OR3A2: variants seen among roughly 807,000 people sequenced by gnomAD.
The protein encoded by OR3A2 is olfactory receptor family 3 subfamily A member 2.
For missense variants in OR3A2, 318 were observed against 392.8 expected (o/e 0.81, Z 1.61); for synonymous variants, 126 against 159.3 (o/e 0.79, Z 1.57).
intron 3 of OR3A2, among the ~76,000 whole-genome samples, chr17:3,293,234 G>A (rs2048891976): frequency 6.6e-6 from 1 of 151,858 alleles, no homozygotes; most frequent in Non-Finnish European, 1.5e-5. Flanking sequence ...ATGGGTATAT[G>A]GTGTAAAGTA....
chr17:3,326,655 A>C, intron 3 of OR3A2, among the ~76,000 whole-genome samples: 2 of 145,562 alleles, frequency 1.4e-5, no homozygotes, highest in South Asian at 2.2e-4. Flanking sequence ...TGCACCCACT[A>C]ACTCGTCATC....
chr17:3,367,466 G>C (rs1345365593), intron 2 of OR3A2, among the ~76,000 whole-genome samples: 1 of 148,900 alleles, frequency 6.7e-6, no homozygotes, highest in Non-Finnish European at 1.5e-5. Flanking sequence ...TATGATGTTT[G>C]ATTTTCCACT....
At chr17:3,319,539 A>T (rs1481966724) in intron 3 of OR3A2, among the ~76,000 whole-genome samples, 1 of 151,842 alleles carries the variant, frequency 6.6e-6, no homozygotes, top group Non-Finnish European at 1.5e-5. Flanking sequence ...CCACCACCCC[A>T]CAACAGTCCC....
intron 3 of OR3A2, among the ~76,000 whole-genome samples, chr17:3,302,663 C>A (rs1159626378): frequency 1.3e-5 from 2 of 152,164 alleles, no homozygotes; most frequent in Non-Finnish European, 2.9e-5. Flanking sequence ...TAATTAGAGA[C>A]CCAAAAGAAA....
chr17:3,377,973 A>G (rs1037858431), intron 2 of OR3A2, among the ~76,000 whole-genome samples: 1 of 152,226 alleles, frequency 6.6e-6, no homozygotes, highest in Non-Finnish European at 1.5e-5. Flanking sequence ...AAACATAACA[A>G]GGAGAAATGA....
At chr17:3,329,659 C>T (rs1402915300) in intron 3 of OR3A2, among the ~76,000 whole-genome samples, 1 of 140,604 alleles carries the variant, frequency 7.1e-6, no homozygotes, top group Admixed American at 7.2e-5. Flanking sequence ...TTTCAAAAAA[C>T]CAGCTCCTGG....
intron 3 of OR3A2, among the ~76,000 whole-genome samples, chr17:3,325,895 G>C (rs1280565482): frequency 2.6e-5 from 4 of 151,972 alleles, no homozygotes; most frequent in Admixed American, 2.0e-4. Context: ...CATCACCTAG[G>C]TATTAAGCCC....
intron 3 of OR3A2, among the ~76,000 whole-genome samples, chr17:3,307,041 G>A (rs9892570): frequency 0.013 from 1,970 of 152,314 alleles, 31 homozygotes; most frequent in African/African-American, 0.044. Flanking sequence ...GGGATGTTCA[G>A]GTAGAAATAT....
intron 2 of OR3A2, among the ~76,000 whole-genome samples, chr17:3,350,063 G>A (rs1448362928): frequency 6.7e-6 from 1 of 148,316 alleles, no homozygotes; most frequent in African/African-American, 2.5e-5. Flanking sequence ...AGCACTAAAT[G>A]CCCACAAGAG....
At chr17:3,344,248 C>G (rs1162708914) in intron 2 of OR3A2, among the ~76,000 whole-genome samples, 1 of 152,150 alleles carries the variant, frequency 6.6e-6, no homozygotes, top group East Asian at 1.9e-4. Flanking sequence ...AAAAAGCCTG[C>G]TTCCACCAAA....
Position 3,311,280 on chromosome 17 carries a change from T to C in OR3A2, c.-85+24753A>G. 1.9e-6 allele frequency: 1 copy of C among 532,546 alleles called. No homozygotes were observed. The highest frequency in any genetic ancestry group is 1.4e-5 in the South Asian group (1 of 71,064). 33.0% of individuals were successfully genotyped at this position (532,546 alleles called of 1,614,324 possible). On this transcript the variant is annotated intron_variant, in intron 3 of 4. Transcript: ENST00000573491. This position sits in a 1 kb window ranked among gnomAD's most constrained non-coding sequence, Gnocchi z 4.6. ...CCCACCAGTGCAGAGTTCCCTATGC[T>C]GCCTGCAGTTCACAGCTCTTCTTTC... is the stretch of plus-strand genomic sequence containing the variant.
At chr17:3,370,634 A>T (rs1381227710) in intron 2 of OR3A2, among the ~76,000 whole-genome samples, 3 of 148,374 alleles carry the variant, frequency 2.0e-5, no homozygotes, top group Non-Finnish European at 3.0e-5. Context: ...GTTCTTTCGG[A>T]TTTTTTTTTT....
At chr17:3,360,999 T>A (rs1354992884) in intron 2 of OR3A2, among the ~76,000 whole-genome samples, 1 of 151,508 alleles carries the variant, frequency 6.6e-6, no homozygotes, top group Non-Finnish European at 1.5e-5. Context: ...ATCTATAAAT[T>A]ACCTTGGGCA....
At chr17:3,276,366 A>G (rs1347681066), downstream of OR3A2, among the ~76,000 whole-genome samples, 1 of 152,196 alleles carries the variant, frequency 6.6e-6, no homozygotes, top group Non-Finnish European at 1.5e-5. Context: ...CGGGCATATC[A>G]TATATACAGG....
At chr17:3,314,950 T>C (rs948706466) in intron 3 of OR3A2, among the ~76,000 whole-genome samples, 6 of 152,222 alleles carry the variant, frequency 3.9e-5, no homozygotes, top group Admixed American at 3.3e-4. Flanking sequence ...TTATTTTCTC[T>C]TTCTGCATTA....
intron 3 of OR3A2, among the ~76,000 whole-genome samples, chr17:3,312,773 G>A (rs1567551242): frequency 6.6e-6 from 1 of 152,228 alleles, no homozygotes; most frequent in Admixed American, 6.5e-5. Flanking sequence ...ACAGGTGCCT[G>A]CCACCACGTC....
chr17:3,339,253 CTT>C (rs1443971107), intron 2 of OR3A2, among the ~76,000 whole-genome samples: 1 of 152,176 alleles, frequency 6.6e-6, no homozygotes, highest in African/African-American at 2.4e-5. Context: ...ATTGAATACA[CTT>C]TATTTCTTTC....
At chr17:3,327,857 A>T (rs927884933) in intron 3 of OR3A2, among the ~76,000 whole-genome samples, 7 of 136,752 alleles carry the variant, frequency 5.1e-5, no homozygotes, top group Non-Finnish European at 9.3e-5. Flanking sequence ...GTCAAAGATC[A>T]GATAGCTGTA....
intron 3 of OR3A2, among the ~76,000 whole-genome samples, chr17:3,307,121 T>C (rs1274820815): frequency 6.6e-6 from 1 of 152,214 alleles, no homozygotes; most frequent in Non-Finnish European, 1.5e-5. Flanking sequence ...ATCGCCTGCA[T>C]GTACTGCCTT....
Sources: allele counts gnomAD v4.1 joint callset (sites outside exome capture counted in the v4.1 genomes callset), GRCh38; gene constraint gnomAD v4.1.1; non-coding constraint Gnocchi (gnomAD v3.1); transcripts MANE v1.5; gene names NCBI Gene and HGNC (gene_info 2026-07-23, HGNC 2026-07-21).